The following EPB41L2 variants were observed in gnomAD, a reference collection of about 807,000 sequenced individuals.
EPB41L2 encodes the protein erythrocyte membrane protein band 4.1 like 2.
In EPB41L2, 43 loss-of-function variants were observed where a neutral mutation model predicts 113.0. That is an observed-to-expected ratio of 0.38 (90% CI 0.30 to 0.49). The LOEUF is 0.49. EPB41L2 is among the 20% of genes least tolerant of loss of function. The pLI, the probability that EPB41L2 is intolerant of heterozygous loss-of-function variation, is 0.95. For missense variants in EPB41L2, 1,147 were observed against 1,223.4 expected (o/e 0.94, Z 0.93); for synonymous variants, 442 against 436.7 (o/e 1.01, Z -0.15).
chr6:130,871,553 A>G (rs1785679061), intron 14 of EPB41L2, among the ~76,000 whole-genome samples: 1 of 152,084 alleles, frequency 6.6e-6, no homozygotes, highest in Non-Finnish European at 1.5e-5. Flanking sequence ...TCCTAACATC[A>G]CACACACACG....
At chr6:130,868,798 T>C (rs1236540548) in intron 15 of EPB41L2, 1 of 152,204 alleles carries the variant, frequency 6.6e-6, no homozygotes, top group Non-Finnish European at 1.5e-5. Flanking sequence ...TTCTCTTCTT[T>C]GAAAAGAAAA....
chr6:130,953,994 AACTAAGAC>A (rs869249730), intron 3 of EPB41L2, among the ~76,000 whole-genome samples: 1 of 8,578 alleles, frequency 1.2e-4, no homozygotes, highest in African/African-American at 1.0e-3. Context: ...AAACTAAGAC[AACTAAGAC>A]AAGGATTTTT....
intron 4 of EPB41L2, among the ~76,000 whole-genome samples, chr6:130,914,634 G>T (rs973760615): frequency 6.6e-6 from 1 of 152,132 alleles, no homozygotes; most frequent in South Asian, 2.1e-4. Flanking sequence ...GACAGCTTCA[G>T]GCAATTCAAG....
intron 1 of EPB41L2, chr6:131,014,141 T>C (rs1026261280): frequency 1.3e-5 from 2 of 151,870 alleles, no homozygotes; most frequent in East Asian, 3.9e-4. Context: ...TCTACAATAC[T>C]ATGGATCACA....
At position 130,919,652 on chromosome 6, in the gene EPB41L2, T is replaced by G. The variant is rs76744481; in HGVS notation, c.810+6953A>C. On this transcript the variant is annotated intron_variant, in intron 4 of 19. Transcript: ENST00000337057. ...GAATAATCAGCTTAATTACATCTCA[T>G]CAGCAACTTCAGATTTCACAATCCT... 2.9e-3 allele frequency among the ~76,000 whole-genome samples: 440 copies of G among 152,320 alleles called. 3 individuals are homozygous for G. The highest frequency in any genetic ancestry group is 0.01 in the African/African-American group (419 of 41,570).
intron 4 of EPB41L2, among the ~76,000 whole-genome samples, chr6:130,917,560 T>C (rs1801515032): frequency 6.6e-6 from 1 of 151,952 alleles, no homozygotes; most frequent in Non-Finnish European, 1.5e-5. Context: ...TGTTTCCTCT[T>C]ATTAGTTTCC....
chr6:130,986,122 G>C (rs1263915791), intron 1 of EPB41L2, among the ~76,000 whole-genome samples: 1 of 152,132 alleles, frequency 6.6e-6, no homozygotes, highest in Non-Finnish European at 1.5e-5. Flanking sequence ...TATGTCGTGG[G>C]CAAGTGGGAT....
At chr6:130,908,721 T>C in intron 5 of EPB41L2, 100 bp downstream of exon 5, 1 of 900,596 alleles carries the variant, frequency 1.1e-6, no homozygotes, top group Non-Finnish European at 1.7e-6. Flanking sequence ...TAAGATGGCA[T>C]AAATGCAAAA....
At chr6:130,936,450 T>C (rs118175498) in intron 3 of EPB41L2, among the ~76,000 whole-genome samples, 1 of 152,210 alleles carries the variant, frequency 6.6e-6, no homozygotes, top group Non-Finnish European at 1.5e-5. Context: ...TATTTTTAAA[T>C]CTTGTGGGGT....
At chr6:130,885,592 G>A (rs1322121749) in intron 11 of EPB41L2, among the ~76,000 whole-genome samples, 1 of 152,112 alleles carries the variant, frequency 6.6e-6, no homozygotes, top group African/African-American at 2.4e-5. Context: ...AAGGCAAACA[G>A]AATTACAAGG....
intron 3 of EPB41L2, among the ~76,000 whole-genome samples, chr6:130,929,860 CA>C: frequency 1.2e-5 from 1 of 81,492 alleles, no homozygotes; most frequent in African/African-American, 5.7e-5. Context: ...CAGACAGTCA[CA>C]CACACACACA....
intron 1 of EPB41L2, among the ~76,000 whole-genome samples, chr6:131,051,374 T>C (rs1233356703): frequency 6.6e-6 from 1 of 151,744 alleles, no homozygotes; most frequent in Admixed American, 6.6e-5. Context: ...CATGAGCTAA[T>C]TTCTGTTTCC....
At chr6:130,895,142 C>A (rs1045720918) in intron 8 of EPB41L2, 23 bp from the exon 9 acceptor site, 4 of 1,591,616 alleles carry the variant, frequency 2.5e-6, no homozygotes, top group Non-Finnish European at 3.4e-6. Flanking sequence ...ACCCAATTAA[C>A]CATGGTTAAG....
chr6:130,991,660 T>G (rs1210542032), intron 1 of EPB41L2, among the ~76,000 whole-genome samples: 1 of 152,220 alleles, frequency 6.6e-6, no homozygotes, highest in Admixed American at 6.5e-5. Flanking sequence ...TTGATATAGC[T>G]ACATCTTTGT....
intron 1 of EPB41L2, among the ~76,000 whole-genome samples, chr6:131,026,824 C>T (rs927934188): frequency 2.0e-5 from 3 of 152,158 alleles, no homozygotes; most frequent in East Asian, 1.9e-4. Context: ...CAGCCCTCTA[C>T]GGTATGTGCA....
chr6:130,983,138 C>A (rs1216360428), intron 1 of EPB41L2, among the ~76,000 whole-genome samples: 1 of 152,216 alleles, frequency 6.6e-6, no homozygotes, highest in Non-Finnish European at 1.5e-5. Context: ...TGTTTCCACT[C>A]TAGTACCATA....
At position 130,941,320 on chromosome 6, in the gene EPB41L2, T is replaced by C. The variant is rs151013840; in HGVS notation, c.705+13785A>G. Among the ~76,000 whole-genome samples, 54 of 152,348 alleles carry C rather than the reference T, an allele frequency of 3.5e-4. 1 individual carries two copies. The highest frequency in any genetic ancestry group is 1.2e-3 in the African/African-American group (50 of 41,588). On this transcript the variant is annotated intron_variant, in intron 3 of 19. Coordinates refer to ENST00000337057, the MANE Select transcript of EPB41L2 (RefSeq NM_001431.4). ...AGCAAGACTTAGCTTAAGTCTCTAA[T>C]GAATTATAATCTCTTTTAAAAGACG...
chr6:130,884,566 T>C (rs1016093554), intron 12 of EPB41L2, among the ~76,000 whole-genome samples: 1 of 152,218 alleles, frequency 6.6e-6, no homozygotes, highest in African/African-American at 2.4e-5. Context: ...TATGGGTTAC[T>C]TCTCCATTTC....
chr6:130,887,456 A>AT (rs1791414978), intron 11 of EPB41L2, among the ~76,000 whole-genome samples: 1 of 152,192 alleles, frequency 6.6e-6, no homozygotes, highest in Non-Finnish European at 1.5e-5. Context: ...ATAAACCCAC[A>AT]TAAACCCTTC....
Sources: allele counts gnomAD v4.1 joint callset (sites outside exome capture counted in the v4.1 genomes callset), GRCh38; gene constraint gnomAD v4.1.1; transcripts MANE v1.5; gene names NCBI Gene and HGNC (gene_info 2026-07-23, HGNC 2026-07-21).